The following LNP1 variants were observed in gnomAD, a reference collection of about 807,000 sequenced individuals.
The protein encoded by LNP1 is leukemia NUP98 fusion partner 1.
A neutral mutation model predicts 14.5 loss-of-function variants in LNP1; 12 were observed. The ratio of observed to expected loss-of-function variants is 0.83; its 90% CI spans 0.53 to 1.34. LNP1 has a LOEUF of 1.34. LNP1 is among the 40% of genes most tolerant of loss of function. The pLI is 0.00. For missense variants in LNP1, 198 were observed against 210.9 expected, an observed-to-expected ratio of 0.94 and a Z score of 0.38; for synonymous variants, 75 against 71.4, an observed-to-expected ratio of 1.05 and a Z score of -0.26.
intron 1 of LNP1, among the ~76,000 whole-genome samples, chr3:100,422,663 A>G (rs939988885): frequency 5.9e-5 from 9 of 152,260 alleles, no homozygotes; most frequent in African/African-American, 1.7e-4. Context: ...ATCTCTTCCA[A>G]TGTCTAACAA....
intron 3 of LNP1, among the ~76,000 whole-genome samples, chr3:100,453,584 CAAA>C (rs200163849): frequency 3.2e-5 from 3 of 93,356 alleles, no homozygotes; most frequent in Non-Finnish European, 2.3e-5. Flanking sequence ...GCAAGACTCT[CAAA>C]AAAAAAAAAA....
intron 1 of LNP1, among the ~76,000 whole-genome samples, chr3:100,427,237 C>A (rs1707201694): frequency 6.6e-6 from 1 of 151,918 alleles, no homozygotes; most frequent in African/African-American, 2.4e-5. Flanking sequence ...AAACTTTTAA[C>A]ATTTTTGGCC....
chr3:100,449,632 CAAAA>C (rs1707419684), intron 2 of LNP1, among the ~76,000 whole-genome samples: 1 of 151,880 alleles, frequency 6.6e-6, no homozygotes, highest in South Asian at 2.1e-4. Context: ...TCCTAGGAGA[CAAAA>C]CAAACAAACA....
intron 3 of LNP1, among the ~76,000 whole-genome samples, chr3:100,454,764 T>C (rs899940696): frequency 6.6e-6 from 1 of 152,216 alleles, no homozygotes; most frequent in Admixed American, 6.5e-5. Flanking sequence ...ATGACTGCGT[T>C]AACATTGTAG....
intron 3 of LNP1, 71 bp from the exon 4 acceptor site, chr3:100,455,706 T>G: frequency 7.0e-7 from 1 of 1,435,682 alleles, no homozygotes; most frequent in Non-Finnish European, 9.7e-7. Flanking sequence ...CCATGTCTGA[T>G]TATTAAGAGA....
In LNP1 at chr3:100,429,735, G is replaced by C. The variant is rs368596398; in HGVS notation, c.6G>C (p.Glu2Asp). ...GTATTTGGCATCACCTTTACATGGA[G>C]CACAAAGATGATGATGATGATGATG... is the stretch of plus-strand genomic sequence containing the variant. M[E>D]HKDDDDDDVS... Residue 2 changes from glutamate to aspartate, a missense_variant, in exon 2 of 4, where the codon GAG becomes GAC. Physicochemically the swap from Glu to Asp is conservative, Grantham distance 45 (BLOSUM62 2). Coordinates refer to ENST00000383693, the MANE Select transcript of LNP1 (RefSeq NM_001085451.2). 19 of 1,613,648 alleles carry C rather than the reference G, an allele frequency of 1.2e-5. No homozygotes were observed. The East Asian group carries it at 1.6e-4, about 13-fold the overall frequency.
chr3:100,431,828 CAAAAAAA>C (rs761853159), intron 2 of LNP1, among the ~76,000 whole-genome samples: 2 of 65,316 alleles, frequency 3.1e-5, no homozygotes, highest in South Asian at 9.8e-4. Flanking sequence ...CTCCGTCTCT[CAAAAAAA>C]AAAAAAAAAA....
At chr3:100,420,745 A>G (rs958507674) in intron 1 of LNP1, among the ~76,000 whole-genome samples, 1 of 152,074 alleles carries the variant, frequency 6.6e-6, no homozygotes, top group African/African-American at 2.4e-5. Context: ...TCTTTATCTT[A>G]CTTTTTTCAT....
intron 2 of LNP1, among the ~76,000 whole-genome samples, chr3:100,450,882 AAAAT>A (rs202009335): frequency 2.6e-5 from 4 of 152,190 alleles, no homozygotes; most frequent in Admixed American, 1.3e-4. Context: ...TAAAACTCCA[AAAAT>A]AAATAAATAA....
At chr3:100,402,698 A>G (rs546677650) in intron 1 of LNP1, among the ~76,000 whole-genome samples, 1 of 151,566 alleles carries the variant, frequency 6.6e-6, no homozygotes, top group Non-Finnish European at 1.5e-5. Context: ...AGGATTGTAG[A>G]GTGCTAACAA....
At chr3:100,421,962 C>T (rs1707147422) in intron 1 of LNP1, among the ~76,000 whole-genome samples, 1 of 151,890 alleles carries the variant, frequency 6.6e-6, no homozygotes, top group African/African-American at 2.4e-5. Context: ...TATGATGATC[C>T]TCTCCTTTAT....
chr3:100,411,136 A>G (rs1707028138), intron 1 of LNP1, among the ~76,000 whole-genome samples: 1 of 152,166 alleles, frequency 6.6e-6, no homozygotes, highest in Non-Finnish European at 1.5e-5. Flanking sequence ...TTAAGATCCA[A>G]AGGAATTTTC....
intron 2 of LNP1, among the ~76,000 whole-genome samples, chr3:100,438,604 A>G (rs927419367): frequency 1.3e-5 from 2 of 152,202 alleles, no homozygotes; most frequent in Non-Finnish European, 2.9e-5. Context: ...TGTCCTAAAA[A>G]CCAATTGCTT....
chr3:100,453,199 C>A (rs1707476420), intron 3 of LNP1, among the ~76,000 whole-genome samples: 1 of 152,100 alleles, frequency 6.6e-6, no homozygotes, highest in African/African-American at 2.4e-5. Flanking sequence ...CAGAGTGACC[C>A]TGTATCCATA....
In LNP1 at chr3:100,455,983, C is replaced by T. The variant is rs978140530; in HGVS notation, c.*57C>T. 8 of 1,539,006 alleles carry T rather than the reference C, an allele frequency of 5.2e-6. No homozygotes were observed. The highest frequency in any genetic ancestry group is 7.0e-6 in the Non-Finnish European group (8 of 1,140,622). ...TACTGTTTTGGTTTTTTTCTTTGAG[C>T]CCCAATTCACCATTTCAGGATGTGG... On this transcript the variant is annotated 3_prime_UTR_variant, in exon 4 of 4. Coordinates refer to ENST00000383693, the MANE Select transcript of LNP1 (RefSeq NM_001085451.2).
intron 1 of LNP1, among the ~76,000 whole-genome samples, chr3:100,423,389 G>A (rs2148902026): frequency 6.6e-6 from 1 of 152,276 alleles, no homozygotes; most frequent in South Asian, 2.1e-4. Flanking sequence ...TGGGCGTGGT[G>A]GCTCACTCCT....
At chr3:100,451,998 C>A in intron 3 of LNP1, 49 bp downstream of exon 3, 1 of 1,306,600 alleles carries the variant, frequency 7.7e-7, no homozygotes, top group Non-Finnish European at 1.1e-6. Flanking sequence ...AAAAGGAAAC[C>A]CAAAGGTTTT....
chr3:100,437,080 C>T (rs1707300203), intron 2 of LNP1, among the ~76,000 whole-genome samples: 3 of 152,178 alleles, frequency 2.0e-5, no homozygotes, highest in Non-Finnish European at 4.4e-5. Flanking sequence ...GCTACTCAGC[C>T]TATGGTATTT....
At chr3:100,405,189 A>T (rs547330309) in intron 1 of LNP1, among the ~76,000 whole-genome samples, 18 of 152,118 alleles carry the variant, frequency 1.2e-4, no homozygotes, top group Admixed American at 2.6e-4. Flanking sequence ...TTTCATCCTT[A>T]CCTACCCAAG....
Sources: gnomAD v4.1 joint callset for allele counts (sites outside exome capture counted in the v4.1 genomes callset) on GRCh38, gnomAD v4.1.1 for gene constraint, MANE v1.5 for transcripts, NCBI Gene and HGNC (gene_info 2026-07-23, HGNC 2026-07-21) for gene names.